CHST7: variants seen among roughly 807,000 people sequenced by gnomAD.
CHST7 encodes the protein carbohydrate sulfotransferase 7.
In CHST7, 5 loss-of-function variants were observed where a neutral mutation model predicts 9.0. That is an observed-to-expected ratio of 0.56 (90% CI 0.29 to 1.17). The LOEUF is 1.17. CHST7 is among the 50% of genes most tolerant of loss of function. The pLI is 0.08. For missense variants in CHST7, 377 were observed against 485.1 expected, an observed-to-expected ratio of 0.78 and a Z score of 2.09; for synonymous variants, 244 against 237.1, an observed-to-expected ratio of 1.03 and a Z score of -0.27.
chrX:46,578,724 C>G (rs183340192), intron 1 of CHST7, among the ~76,000 whole-genome samples: 6 of 109,782 alleles, frequency 5.5e-5, no homozygotes, highest in Non-Finnish European at 1.1e-4. Context: ...CTGCACCCAG[C>G]CTTAATAAAT....
chrX:46,586,121 C>T (rs1053360348), intron 1 of CHST7, among the ~76,000 whole-genome samples: 3 of 111,751 alleles, frequency 2.7e-5, no homozygotes, highest in Admixed American at 1.9e-4. Context: ...ATCCTTAGTG[C>T]GGCCACCTCC....
chrX:46,574,571 C>T lies in CHST7; in HGVS notation c.640C>T (p.Arg214Trp), dbSNP rs1417024416. 1 of 1,205,182 alleles carries T rather than the reference C, an allele frequency of 8.3e-7. No homozygotes were observed. The highest frequency in any genetic ancestry group is 1.8e-5 in the South Asian group (1 of 56,171). Reference protein sequence around the residue: ...PPLCPGAPRARAEVGLVEDTA... With the variant: ...PPLCPGAPRAWAEVGLVEDTA... ...ACTGTGTCCTGGCGCACCCCGTGCC[C>T]GGGCCGAGGTGGGCCTCGTCGAGGA... The change falls in exon 1 of 2, where the codon CGG becomes TGG. Residue 214 changes from arginine to tryptophan, a missense_variant. Coordinates refer to ENST00000276055, the MANE Select transcript of CHST7 (RefSeq NM_019886.4).
chrX:46,574,778 G>A lies in CHST7; in HGVS notation c.847G>A (p.Val283Met), dbSNP rs1351358880. The A allele has an allele frequency of 8.3e-7, 1 of 1,203,783 alleles. No homozygotes were observed. Among genetic ancestry groups the A allele is most frequent in the Non-Finnish European group, 1.1e-6 (1 of 891,868 alleles). The change falls in exon 1 of 2, where the codon GTG becomes ATG. Residue 283 changes from valine (V) to methionine (M), a missense_variant. Coordinates refer to ENST00000276055, the MANE Select transcript of CHST7 (RefSeq NM_019886.4). ...VVQLFRDPRAVHNSRLKSRQG... is the reference protein window; with the variant it reads ...VVQLFRDPRAMHNSRLKSRQG... Reference sequence around the variant, plus strand: ...GCAGCTTTTCCGCGACCCGAGGGCGGTGCACAACTCGCGCCTCAAGTCTAG... The same window carrying A: ...GCAGCTTTTCCGCGACCCGAGGGCGATGCACAACTCGCGCCTCAAGTCTAG...
intron 1 of CHST7, among the ~76,000 whole-genome samples, chrX:46,593,707 T>C (rs1416152589): frequency 3.6e-5 from 4 of 112,384 alleles, no homozygotes; most frequent in Non-Finnish European, 7.5e-5. Context: ...TCCTTTGTTT[T>C]CCTTTTCCTG....
intron 1 of CHST7, among the ~76,000 whole-genome samples, chrX:46,589,978 G>A (rs1183199978): frequency 3.6e-5 from 4 of 111,870 alleles, no homozygotes; most frequent in Non-Finnish European, 7.5e-5. Context: ...TACTGCCAGC[G>A]ATTCAATAAA....
intron 1 of CHST7, among the ~76,000 whole-genome samples, chrX:46,593,712 T>C (rs1033189832): frequency 3.6e-5 from 4 of 112,293 alleles, no homozygotes; most frequent in Admixed American, 9.5e-5. Flanking sequence ...TGTTTTCCTT[T>C]TCCTGTCTTC....
At chrX:46,579,562 A>G (rs1213995024) in intron 1 of CHST7, among the ~76,000 whole-genome samples, 1 of 100,271 alleles carries the variant, frequency 1.0e-5, no homozygotes, top group African/African-American at 3.3e-5. Flanking sequence ...AACCCTAACA[A>G]TCAGGAAGCT....
In CHST7 at chrX:46,598,331, T is replaced by TTTTAC. The variant is rs1942608056; in HGVS notation, c.*608_*612dup. The TTTTAC allele has an allele frequency of 8.9e-6, 1 of 112,105 alleles. No individual in the cohort carries two copies. The highest frequency in any genetic ancestry group is 9.5e-5 in the Admixed American group (1 of 10,553). The allele number at this position is 112,105 out of a possible 1,213,427, so 9.2% of individuals were successfully genotyped here. A position where few individuals can be genotyped will look rare whatever the true frequency, so the allele number is the denominator to read the frequency against. On this transcript the variant is annotated 3_prime_UTR_variant, in exon 2 of 2. Coordinates refer to ENST00000276055, the MANE Select transcript of CHST7 (RefSeq NM_019886.4). ...AAAACCCTAATGAACTGAAACACAC[T>TTTTAC]TTTACTTTAAAATTTTTCTGTCTGG...
At chrX:46,589,209 A>G (rs192186083) in intron 1 of CHST7, among the ~76,000 whole-genome samples, 2 of 111,609 alleles carry the variant, frequency 1.8e-5, no homozygotes, top group East Asian at 2.8e-4. Flanking sequence ...ATTGCTCCCT[A>G]TGAACAGGGC....
At chrX:46,581,662 C>G (rs1228633912) in intron 1 of CHST7, among the ~76,000 whole-genome samples, 1 of 109,505 alleles carries the variant, frequency 9.1e-6, no homozygotes, top group East Asian at 2.9e-4. Flanking sequence ...ATGGCACGAT[C>G]TCGGCTCACC....
At position 46,574,630 on chromosome X, in the gene CHST7, G is replaced by A. The variant is rs1358859954; in HGVS notation, c.699G>A (p.Ala233=). 9.1e-6 allele frequency: 11 copies of A among 1,207,822 alleles called. No individual in the cohort carries two copies. The highest frequency in any genetic ancestry group is 3.0e-5 in the East Asian group (1 of 33,615). The stretch of plus-strand genomic sequence containing the variant: ...GCGAGCGCAGCTGCCCACCCGTGGC[G>A]ATACGCGCCCTGGAGGCCGAGTGCC... ...TACERSCPPV[A]IRALEAECRK... The change falls in exon 1 of 2, where the codon GCG becomes GCA. Residue 233 remains alanine (A), a synonymous_variant. Transcript: ENST00000276055.
In CHST7 at chrX:46,584,383, T is replaced by C. The variant is rs1027059877; in HGVS notation, c.*31+8960T>C. 8.1e-4 allele frequency among the ~76,000 whole-genome samples: 86 copies of C among 105,715 alleles called. 1 individual carries two copies. Among genetic ancestry groups the C allele is most frequent in the Non-Finnish European group, 5.0e-4 (26 of 51,702 alleles). The allele number at this position is 105,715 out of a possible 115,157, so 91.8% of individuals were successfully genotyped here. ...AGAAACCCCGCCTCTACTAAAAATA[T>C]AAAATTAGCCAGGCGTGGTGGCACA... On this transcript the variant is annotated intron_variant, in intron 1 of 1. Coordinates refer to ENST00000276055, the MANE Select transcript of CHST7 (RefSeq NM_019886.4).
rs766476894 is a variant in CHST7 at position 46,593,215 on chromosome X, C to T, written c.*32-4545C>T. On this transcript the variant is annotated intron_variant, in intron 1 of 1. Transcript: ENST00000276055. ...TGTTGGTTGATGGTACTGTTCAGTC[C>T]TTCTGTATCCTTACTGACTCTCTGT... Among the ~76,000 whole-genome samples the T allele has an allele frequency of 3.6e-5, 4 of 111,284 alleles. No homozygotes were observed. In the East Asian group the frequency reaches 1.1e-3, roughly 31 times the overall value.
In CHST7 at chrX:46,577,456, G is replaced by A. The variant is rs527776644; in HGVS notation, c.*31+2033G>A. ...TATTCTTGGTTCCTAGGAAGATAAC[G>A]TTACTGCCGACTCACTGATGGGTTT... On this transcript the variant is annotated intron_variant, in intron 1 of 1. Coordinates refer to ENST00000276055, the MANE Select transcript of CHST7 (RefSeq NM_019886.4). Among the ~76,000 whole-genome samples the A allele has an allele frequency of 7.2e-5, 8 of 111,339 alleles. No individual in the cohort carries two copies. In the South Asian group the frequency reaches 1.5e-3, roughly 21 times the overall value.
At chrX:46,578,938 A>G (rs897803247) in intron 1 of CHST7, among the ~76,000 whole-genome samples, 7 of 110,651 alleles carry the variant, frequency 6.3e-5, no homozygotes, top group African/African-American at 2.0e-4. Flanking sequence ...TTTAATGCCA[A>G]TGCCTGAGCT....
intron 1 of CHST7, among the ~76,000 whole-genome samples, chrX:46,588,997 G>A (rs1331088148): frequency 1.8e-5 from 2 of 111,675 alleles, no homozygotes; most frequent in East Asian, 5.6e-4. Flanking sequence ...GAGACAGAGA[G>A]TAGCAAACAT....
intron 1 of CHST7, among the ~76,000 whole-genome samples, chrX:46,593,700 T>A (rs987034748): frequency 1.2e-4 from 14 of 112,436 alleles, no homozygotes; most frequent in African/African-American, 4.5e-4. Flanking sequence ...TTTTTATTCC[T>A]TTGTTTTCCT....
chrX:46,585,686 C>G (rs1569492018), intron 1 of CHST7, among the ~76,000 whole-genome samples: 1 of 112,482 alleles, frequency 8.9e-6, no homozygotes, highest in African/African-American at 3.2e-5. Flanking sequence ...CAAAGAATAA[C>G]AAAATTCCTA....
At chrX:46,586,404 A>C (rs1942549812) in intron 1 of CHST7, among the ~76,000 whole-genome samples, 1 of 112,055 alleles carries the variant, frequency 8.9e-6, no homozygotes, top group South Asian at 3.7e-4. Flanking sequence ...GGGCAGTCCC[A>C]GTGTGGGGGT....
Sources: gnomAD v4.1 joint callset for allele counts (sites outside exome capture counted in the v4.1 genomes callset) on GRCh38, gnomAD v4.1.1 for gene constraint, MANE v1.5 for transcripts, NCBI Gene and HGNC (gene_info 2026-07-23, HGNC 2026-07-21) for gene names.